SMC5: variants seen among roughly 807,000 people sequenced by gnomAD.
SMC5 encodes structural maintenance of chromosomes 5, also known as structural maintenance of chromosomes protein 5.
Under a neutral mutation model 148.3 loss-of-function variants are expected in SMC5, and 88 were observed. That is an observed-to-expected ratio of 0.59 (90% CI 0.50 to 0.71). The LOEUF is 0.71. Among genes scored for constraint, SMC5 ranks in the 30% least tolerant of loss-of-function variants. The pLI, the probability that SMC5 is intolerant of heterozygous loss-of-function variation, is 0.00. For synonymous variants in SMC5, 421 were observed against 432.8 expected (o/e 0.97, Z 0.34); for missense variants, 1,142 against 1,298.9 (o/e 0.88, Z 1.86).
chr9:70,297,427 C>T (rs1164612430), intron 8 of SMC5, among the ~76,000 whole-genome samples: 1 of 152,132 alleles, frequency 6.6e-6, no homozygotes, highest in Admixed American at 6.5e-5. Context: ...AACTGACATA[C>T]AACTAATATA....
Position 70,297,384 on chromosome 9 carries a change from ATACT to A in SMC5, c.1054-577_1054-574del, listed in dbSNP as rs1240796421. On this transcript the variant is annotated intron_variant, in intron 8 of 24. Coordinates refer to ENST00000361138, the MANE Select transcript of SMC5 (RefSeq NM_015110.4). ...GCTACTCATAAACAATCATTTTTAA[ATACT>A]TACTCACACATAAATACTTAACAGT... is the stretch of plus-strand genomic sequence containing the variant. Among the ~76,000 whole-genome samples, 13 of 152,338 alleles carry A rather than the reference ATACT, an allele frequency of 8.5e-5. No homozygotes were observed. In the East Asian group the frequency reaches 1.2e-3, roughly 14 times the overall value.
intron 4 of SMC5, among the ~76,000 whole-genome samples, chr9:70,278,182 A>G (rs1248518285): frequency 6.6e-6 from 1 of 151,954 alleles, no homozygotes; most frequent in African/African-American, 2.4e-5. Context: ...TTCAACTGAT[A>G]TGTAATAGAC....
chr9:70,320,571 T>G (rs749773125), intron 15 of SMC5, among the ~76,000 whole-genome samples: 66 of 152,242 alleles, frequency 4.3e-4, no homozygotes, highest in Non-Finnish European at 7.9e-4. Flanking sequence ...AATCTAGAGA[T>G]AATATAAAAT....
intron 17 of SMC5, among the ~76,000 whole-genome samples, chr9:70,329,765 T>C (rs570244094): frequency 6.6e-6 from 1 of 152,330 alleles, no homozygotes; most frequent in Admixed American, 6.5e-5. Flanking sequence ...GTATCAATTT[T>C]CTGTATTAGT....
Position 70,352,067 on chromosome 9 carries a change from T to TG in SMC5, c.3166-121dup, listed in dbSNP as rs1554704227. ...CTGTACTCCGGCCTGAGCAGCAGAG[T>TG]GGGAAAAAAAAAGTTTTATTAATAT... On this transcript the variant is annotated intron_variant, in intron 24 of 24. Transcript: ENST00000361138. The TG allele has an allele frequency of 8.3e-4, 699 of 838,302 alleles. 1 individual carries two copies. In the African/African-American group the frequency reaches 0.011, roughly 13 times the overall value. The allele number at this position is 838,302 out of a possible 1,614,324, so 51.9% of individuals were successfully genotyped here. A position where few individuals can be genotyped will look rare whatever the true frequency, so the allele number is the denominator to read the frequency against.
intron 2 of SMC5, 145 bp downstream of exon 2, chr9:70,264,590 G>A: frequency 1.4e-6 from 1 of 715,502 alleles, no homozygotes; most frequent in Admixed American, 3.3e-5. Context: ...AGAGAAGCTA[G>A]AAGGAGATTT....
At chr9:70,269,567 T>TG (rs1165659606) in intron 3 of SMC5, among the ~76,000 whole-genome samples, 2 of 151,912 alleles carry the variant, frequency 1.3e-5, no homozygotes, top group Admixed American at 1.3e-4. Context: ...GGTGACAGAG[T>TG]GAGACTCTGT....
chr9:70,342,440 C>T (rs79826261), intron 17 of SMC5, among the ~76,000 whole-genome samples: 10,464 of 151,930 alleles, frequency 0.069, 577 homozygotes, highest in East Asian at 0.22. Context: ...ACCTCAGCCC[C>T]GGAGATATTA....
At chr9:70,288,938 T>C in intron 8 of SMC5, among the ~76,000 whole-genome samples, 1 of 152,248 alleles carries the variant, frequency 6.6e-6, no homozygotes. Flanking sequence ...GACATATGTA[T>C]ACACACACAT....
Position 70,288,611 on chromosome 9 carries a change from G to A in SMC5, c.1053+2340G>A, listed in dbSNP as rs2034972373. Among the ~76,000 whole-genome samples the A allele has an allele frequency of 3.3e-5, 5 of 151,666 alleles. No individual in the cohort carries two copies. The South Asian group carries it at 1.0e-3, about 32-fold the overall frequency. On this transcript the variant is annotated intron_variant, in intron 8 of 24. Transcript: ENST00000361138. ...TGCATTATAGGATATAAATTTTTGG[G>A]CATCATTTGGCTACATCTCACGTGT...
chr9:70,300,500 G>A (rs559962921), intron 10 of SMC5, among the ~76,000 whole-genome samples: 1 of 152,184 alleles, frequency 6.6e-6, no homozygotes, highest in African/African-American at 2.4e-5. Context: ...TTACTAGATT[G>A]TAGCAGGGAT....
At chr9:70,309,989 G>T (rs1489382372) in intron 11 of SMC5, among the ~76,000 whole-genome samples, 1 of 152,132 alleles carries the variant, frequency 6.6e-6, no homozygotes, top group Non-Finnish European at 1.5e-5. Context: ...TGGGATTACA[G>T]GTATGCGCCA....
intron 15 of SMC5, among the ~76,000 whole-genome samples, chr9:70,321,438 G>A (rs1021184179): frequency 2.0e-5 from 3 of 148,560 alleles, no homozygotes; most frequent in Non-Finnish European, 4.4e-5. Context: ...TGTTACCCAG[G>A]CTGGAGTGCA....
At chr9:70,268,566 T>A (rs1157289248) in intron 3 of SMC5, among the ~76,000 whole-genome samples, 2 of 151,458 alleles carry the variant, frequency 1.3e-5, no homozygotes, top group Admixed American at 1.3e-4. Context: ...GTAGTCATGA[T>A]GAAGTTGCAA....
intron 15 of SMC5, among the ~76,000 whole-genome samples, chr9:70,320,855 T>C (rs527839985): frequency 5.1e-4 from 78 of 152,352 alleles, no homozygotes; most frequent in African/African-American, 1.9e-3. Context: ...TTCAATTGCA[T>C]GGCAGTGAAG....
intron 22 of SMC5, among the ~76,000 whole-genome samples, 184 bp downstream of exon 22, chr9:70,348,222 T>G (rs970158033): frequency 1.3e-5 from 2 of 151,426 alleles, no homozygotes; most frequent in Non-Finnish European, 1.5e-5. Context: ...TTGGGGGGGG[T>G]TATGTTTGGA....
chr9:70,335,739 A>G (rs536954756), intron 17 of SMC5, among the ~76,000 whole-genome samples: 3 of 152,268 alleles, frequency 2.0e-5, no homozygotes, highest in African/African-American at 7.2e-5. Context: ...AGGTGTGTAT[A>G]TTTGTCAGAA....
At position 70,270,902 on chromosome 9, in the gene SMC5, C is replaced by G. The variant is rs537223783; in HGVS notation, c.380+2927C>G. 7.9e-4 allele frequency among the ~76,000 whole-genome samples: 121 copies of G among 152,210 alleles called. 1 individual carries two copies. The highest frequency in any genetic ancestry group is 2.7e-3 in the African/African-American group (114 of 41,532). ...CCTCAAGTGATCCGCCCGCCTTGGC[C>G]TCCCACAGTGCTGGGATTACAGGTG... On this transcript the variant is annotated intron_variant, in intron 3 of 24. Transcript: ENST00000361138.
chr9:70,318,228 A>T (rs1401120946), intron 13 of SMC5, among the ~76,000 whole-genome samples: 6 of 151,916 alleles, frequency 3.9e-5, no homozygotes, highest in East Asian at 1.9e-4. Context: ...CTCTACAAAA[A>T]TTTTTTTTAA....
Sources: allele counts gnomAD v4.1 joint callset (sites outside exome capture counted in the v4.1 genomes callset), GRCh38; gene constraint gnomAD v4.1.1; transcripts MANE v1.5; gene names NCBI Gene and HGNC (gene_info 2026-07-23, HGNC 2026-07-21).